The following AFF3 variants were observed in gnomAD, a reference collection of about 807,000 sequenced individuals.
AFF3 encodes ALF transcription elongation factor 3.
A neutral mutation model predicts 129.7 loss-of-function variants in AFF3; 32 were observed. The observed-to-expected ratio is 0.25, with a 90% confidence interval of 0.19 to 0.33. The LOEUF (loss-of-function observed/expected upper bound fraction) is 0.33. AFF3 is among the 10% of genes least tolerant of loss of function. The pLI, the probability that AFF3 is intolerant of heterozygous loss-of-function variation, is 1.00. For missense variants in AFF3, 1,373 were observed against 1,592.0 expected, an observed-to-expected ratio of 0.86 and a Z score of 2.34; for synonymous variants, 644 against 635.4, an observed-to-expected ratio of 1.01 and a Z score of -0.20.
chr2:99,723,768 T>C (rs1379257975), intron 11 of AFF3, among the ~76,000 whole-genome samples: 1 of 152,210 alleles, frequency 6.6e-6, no homozygotes, highest in Admixed American at 6.5e-5. Flanking sequence ...TGCCTCAGAA[T>C]GTGACTTTAT....
intron 19 of AFF3, among the ~76,000 whole-genome samples, chr2:99,568,493 C>T (rs768889015): frequency 4.6e-5 from 7 of 152,104 alleles, no homozygotes; most frequent in Non-Finnish European, 7.4e-5. Context: ...AGATTTGATC[C>T]TGGGACCAAG....
chr2:99,711,087 G>A (rs774053236), intron 11 of AFF3, among the ~76,000 whole-genome samples: 5 of 152,108 alleles, frequency 3.3e-5, no homozygotes, highest in Non-Finnish European at 7.3e-5. Flanking sequence ...GCCTCAAGAT[G>A]CAATTCTCTT....
At chr2:99,933,360 G>A (rs1674222377) in intron 7 of AFF3, among the ~76,000 whole-genome samples, 1 of 151,998 alleles carries the variant, frequency 6.6e-6, no homozygotes, top group Non-Finnish European at 1.5e-5. Flanking sequence ...TGGGACACAC[G>A]TGCAGAACAT....
chr2:99,766,122 A>T (rs937363589), intron 8 of AFF3, among the ~76,000 whole-genome samples: 5 of 152,188 alleles, frequency 3.3e-5, no homozygotes, highest in African/African-American at 1.2e-4. Flanking sequence ...GGCAGTGATT[A>T]CTGTCCAGGC....
In AFF3 at chr2:99,727,093, C is replaced by T; in HGVS notation, c.1075G>A (p.Gly359Ser). The T allele has an allele frequency of 6.2e-7, 1 of 1,607,804 alleles. No homozygotes were observed. Among genetic ancestry groups the T allele is most frequent in the Non-Finnish European group, 8.5e-7 (1 of 1,178,512 alleles). Residue 359 changes from glycine to serine, a missense_variant, in exon 11 of 25, where the codon GGC (glycine) becomes AGC (serine). Physicochemically the swap from Gly to Ser is moderately conservative, Grantham distance 56 (BLOSUM62 0). Transcript: ENST00000672756. ...GDAEPESPDN[G>S]TSNTSMLEDD... ...GAAACTTACGATGTATTCGATGTGCCATTGTCTGGACTCTCTGGCTCTGCA... is the reference window on the plus strand; with the variant it reads ...GAAACTTACGATGTATTCGATGTGCTATTGTCTGGACTCTCTGGCTCTGCA...
intron 11 of AFF3, among the ~76,000 whole-genome samples, chr2:99,698,931 A>T (rs1676568492): frequency 2.0e-5 from 3 of 152,214 alleles, no homozygotes; most frequent in Admixed American, 1.3e-4. Flanking sequence ...AAATAGAAGA[A>T]AAACAGTAAA....
intron 13 of AFF3, among the ~76,000 whole-genome samples, chr2:99,643,318 A>G (rs1684390076): frequency 6.6e-6 from 1 of 152,148 alleles, no homozygotes; most frequent in Non-Finnish European, 1.5e-5. Context: ...TTGGCCTCCC[A>G]AAGTGCTGGG....
Position 99,546,342 on chromosome 2 carries a change from G to T in AFF3, c.*5132C>A, listed in dbSNP as rs1674072920. The T allele has an allele frequency of 3.0e-5, 7 of 232,822 alleles. No individual in the cohort carries two copies. The East Asian group carries it at 4.2e-4, about 14-fold the overall frequency. The allele number at this position is 232,822 out of a possible 1,614,324, so 14.4% of individuals were successfully genotyped here. The stretch of plus-strand genomic sequence containing the variant: ...CAAGTTCCTGTCCCACCCATCTCTG[G>T]GATGAGGAGTTCTCCATGGTGACCC... On this transcript the variant is annotated 3_prime_UTR_variant, in exon 25 of 25. Transcript: ENST00000672756.
intron 4 of AFF3, among the ~76,000 whole-genome samples, chr2:100,036,716 A>G (rs1684941998): frequency 6.6e-6 from 1 of 151,950 alleles, no homozygotes; most frequent in Non-Finnish European, 1.5e-5. Flanking sequence ...ATATATAAAG[A>G]GCTCTTACAA....
At chr2:99,906,779 T>C (rs761600961) in intron 7 of AFF3, among the ~76,000 whole-genome samples, 2 of 152,030 alleles carry the variant, frequency 1.3e-5, no homozygotes, top group Non-Finnish European at 2.9e-5. Flanking sequence ...ACTTGCCTGC[T>C]AGCCCCATAT....
intron 8 of AFF3, among the ~76,000 whole-genome samples, chr2:99,799,535 C>T (rs1685782695): frequency 6.6e-6 from 1 of 151,934 alleles, no homozygotes; most frequent in African/African-American, 2.4e-5. Context: ...GTTAAGATGC[C>T]AATTCTTTCT....
At chr2:99,872,690 T>C (rs1209524929) in intron 7 of AFF3, among the ~76,000 whole-genome samples, 1 of 151,988 alleles carries the variant, frequency 6.6e-6, no homozygotes, top group African/African-American at 2.4e-5. Context: ...CTTTTACACA[T>C]GAATAATTTT....
At chr2:99,859,112 T>C (rs1199370848) in intron 7 of AFF3, among the ~76,000 whole-genome samples, 1 of 152,228 alleles carries the variant, frequency 6.6e-6, no homozygotes, top group African/African-American at 2.4e-5. Context: ...TGAGTTTGGA[T>C]GGCTTTCCTC....
rs1334075401 is a variant in AFF3 at position 99,805,925 on chromosome 2, C to T, written c.921+31552G>A. Among the ~76,000 whole-genome samples the T allele has an allele frequency of 2.6e-5, 4 of 151,828 alleles. No individual in the cohort carries two copies. In the East Asian group the frequency reaches 7.7e-4, roughly 29 times the overall value. ...TTTTGTCTCTTCACATCACAAGTAA[C>T]CAGCACATCTTTGAAAACTCAACAG... On this transcript the variant is annotated intron_variant, in intron 8 of 24. Coordinates refer to ENST00000672756, the MANE Select transcript of AFF3 (RefSeq NM_001386135.1).
chr2:99,807,683 A>G (rs1399797418), intron 8 of AFF3, among the ~76,000 whole-genome samples: 2 of 152,132 alleles, frequency 1.3e-5, no homozygotes, highest in Non-Finnish European at 2.9e-5. Context: ...CACTGCCCCT[A>G]TGGATAAAGT....
intron 8 of AFF3, among the ~76,000 whole-genome samples, chr2:99,809,821 G>A (rs1039433531): frequency 2.6e-5 from 4 of 152,154 alleles, no homozygotes; most frequent in South Asian, 2.1e-4. Flanking sequence ...CTTACTCATT[G>A]TTCACTAACT....
At chr2:99,766,973 C>T (rs1367877744) in intron 8 of AFF3, among the ~76,000 whole-genome samples, 1 of 152,182 alleles carries the variant, frequency 6.6e-6, no homozygotes, top group East Asian at 1.9e-4. Context: ...AAATTTCAGA[C>T]CAATGTTTTT....
At chr2:100,041,062 T>C (rs927581261) in intron 4 of AFF3, among the ~76,000 whole-genome samples, 1 of 152,208 alleles carries the variant, frequency 6.6e-6, no homozygotes, top group Admixed American at 6.5e-5. Flanking sequence ...ATGAGAGCTG[T>C]GTGTGATTGA....
In AFF3 at chr2:99,789,739, C is replaced by G. The variant is rs183561407; in HGVS notation, c.922-37438G>C. 1.6e-3 allele frequency among the ~76,000 whole-genome samples: 238 copies of G among 152,312 alleles called. 1 individual carries two copies. The highest frequency in any genetic ancestry group is 2.7e-3 in the Non-Finnish European group (185 of 68,032). ...CTGGGAATGATATTGCTCGAGGATT[C>G]GGAGGCTGCTTCCATGGGAAGTTAC... On this transcript the variant is annotated intron_variant, in intron 8 of 24. Transcript: ENST00000672756.
Sources: allele counts gnomAD v4.1 joint callset (sites outside exome capture counted in the v4.1 genomes callset), GRCh38; gene constraint gnomAD v4.1.1; transcripts MANE v1.5; gene names NCBI Gene and HGNC (gene_info 2026-07-23, HGNC 2026-07-21).